COX10: variants seen among roughly 807,000 people sequenced by gnomAD.
COX10 encodes protoheme IX farnesyltransferase, mitochondrial.
COX10 carries 27 observed loss-of-function variants against 37.3 expected under a neutral mutation model. That is an observed-to-expected ratio of 0.72 (90% CI 0.53 to 1.00). The LOEUF (loss-of-function observed/expected upper bound fraction) is 1.00, where lower values mean the gene tolerates loss of function less well. Ranked by LOEUF, COX10 falls within the 50% of genes least tolerant of loss-of-function variation. COX10 has a pLI of 0.00. For synonymous variants in COX10, 222 were observed against 229.1 expected, an observed-to-expected ratio of 0.97 and a Z score of 0.28; for missense variants, 475 against 563.2, an observed-to-expected ratio of 0.84 and a Z score of 1.59.
Position 14,207,575 on chromosome 17 carries a change from A to C in COX10, c.*362A>C, listed in dbSNP as rs1597552585. ...CCACCACACCACACGCACACTCCACATGCCCAGCAGAGTGGCACTTGGTGG... is the reference window on the plus strand; with the variant it reads ...CCACCACACCACACGCACACTCCACCTGCCCAGCAGAGTGGCACTTGGTGG... On this transcript the variant is annotated 3_prime_UTR_variant, in exon 7 of 7. Transcript: ENST00000261643. 2.0e-5 allele frequency: 4 copies of C among 196,630 alleles called. No individual in the cohort carries two copies. Among genetic ancestry groups the C allele is most frequent in the Non-Finnish European group, 4.2e-5 (4 of 95,218 alleles). The allele number at this position is 196,630 out of a possible 1,614,324, so 12.2% of individuals were successfully genotyped here. A position where few individuals can be genotyped will look rare whatever the true frequency, so the allele number is the denominator to read the frequency against.
chr17:14,141,733 A>G (rs981757255), intron 4 of COX10, among the ~76,000 whole-genome samples: 1 of 152,054 alleles, frequency 6.6e-6, no homozygotes, highest in Non-Finnish European at 1.5e-5. Context: ...TGCAGATTTC[A>G]TTATATTTAA....
At chr17:14,189,503 T>G (rs1472822449) in intron 5 of COX10, among the ~76,000 whole-genome samples, 2 of 152,238 alleles carry the variant, frequency 1.3e-5, no homozygotes, top group Non-Finnish European at 2.9e-5. Context: ...CATCCAAGTG[T>G]TAGCATAAAT....
intron 4 of COX10, among the ~76,000 whole-genome samples, chr17:14,156,387 G>A (rs1055547480): frequency 2.6e-5 from 4 of 151,904 alleles, no homozygotes; most frequent in South Asian, 2.1e-4. Flanking sequence ...CCGCCACCGC[G>A]CCCGGCTAAT....
chr17:14,143,569 G>A (rs1258551246), intron 4 of COX10, among the ~76,000 whole-genome samples: 1 of 152,064 alleles, frequency 6.6e-6, no homozygotes, highest in Non-Finnish European at 1.5e-5. Context: ...CTTTGCTTAG[G>A]TAATATAGTA....
At chr17:14,159,756 A>G (rs778508881) in intron 4 of COX10, 121 bp from the exon 5 acceptor site, 1 of 738,564 alleles carries the variant, frequency 1.4e-6, no homozygotes, top group Non-Finnish European at 2.3e-6. Flanking sequence ...GTGCCAGGGT[A>G]TTGATTTATG....
intron 4 of COX10, among the ~76,000 whole-genome samples, chr17:14,137,950 G>GTTTTTTTTTT (rs55924353): frequency 7.4e-6 from 1 of 134,416 alleles, no homozygotes. Flanking sequence ...ACACAATTCA[G>GTTTTTTTTTT]TTTTTTTTTT....
intron 4 of COX10, among the ~76,000 whole-genome samples, chr17:14,114,953 G>C (rs1345653637): frequency 6.6e-6 from 1 of 152,038 alleles, no homozygotes; most frequent in Non-Finnish European, 1.5e-5. Context: ...ATATGGCTCT[G>C]TTATATCATT....
chr17:14,087,137 G>T (rs1915427150), intron 3 of COX10, among the ~76,000 whole-genome samples: 1 of 152,178 alleles, frequency 6.6e-6, no homozygotes, highest in Non-Finnish European at 1.5e-5. Flanking sequence ...ATCCACTTCT[G>T]AGTGTTGTGG....
chr17:14,071,049 C>A (rs769598139), intron 1 of COX10, among the ~76,000 whole-genome samples: 6 of 152,096 alleles, frequency 3.9e-5, no homozygotes, highest in Admixed American at 1.3e-4. Context: ...TCCTGTGATT[C>A]TTTTTTGAAT....
At chr17:14,196,212 G>A (rs1906362137) in intron 6 of COX10, among the ~76,000 whole-genome samples, 2 of 152,260 alleles carry the variant, frequency 1.3e-5, no homozygotes, top group Admixed American at 6.5e-5. Flanking sequence ...GCCAGGCATC[G>A]AGAGACACAA....
intron 6 of COX10, among the ~76,000 whole-genome samples, chr17:14,201,524 A>G (rs1906541352): frequency 6.6e-6 from 1 of 152,218 alleles, no homozygotes; most frequent in South Asian, 2.1e-4. Context: ...TTACTGAAAA[A>G]AGTGTATTGA....
At chr17:14,205,685 A>G (rs1308337783) in intron 6 of COX10, among the ~76,000 whole-genome samples, 3 of 152,182 alleles carry the variant, frequency 2.0e-5, no homozygotes, top group Non-Finnish European at 2.9e-5. Flanking sequence ...CGTGCATGTC[A>G]TAGAAGGACC....
intron 4 of COX10, among the ~76,000 whole-genome samples, chr17:14,123,498 C>T (rs2323091): frequency 0.67 from 102,076 of 151,930 alleles, 34,607 homozygotes; most frequent in Non-Finnish European, 0.71. Context: ...TTTTTTCCAG[C>T]GTAGATAAAG....
At chr17:14,179,349 A>T (rs1905786343) in intron 5 of COX10, 1 of 261,958 alleles carries the variant, frequency 3.8e-6, no homozygotes, top group Admixed American at 6.5e-5. Context: ...TTTCTTAAAG[A>T]TGTCAAGGCC....
chr17:14,113,205 C>A (rs1472689997), intron 4 of COX10, among the ~76,000 whole-genome samples: 1 of 152,154 alleles, frequency 6.6e-6, no homozygotes, highest in East Asian at 1.9e-4. Context: ...TCTGGCATAA[C>A]TTTAATTCTG....
intron 4 of COX10, among the ~76,000 whole-genome samples, chr17:14,108,160 C>G (rs984934799): frequency 1.3e-5 from 2 of 152,082 alleles, no homozygotes; most frequent in Non-Finnish European, 2.9e-5. Context: ...TAGAGCAAGA[C>G]AGTAGAGTAC....
chr17:14,101,846 A>G (rs1915789425), intron 3 of COX10, among the ~76,000 whole-genome samples: 1 of 152,232 alleles, frequency 6.6e-6, no homozygotes, highest in Non-Finnish European at 1.5e-5. Context: ...TGTTGAATGA[A>G]TAAGTGAATG....
At chr17:14,122,013 G>C (rs994530267) in intron 4 of COX10, among the ~76,000 whole-genome samples, 5 of 152,082 alleles carry the variant, frequency 3.3e-5, no homozygotes, top group Non-Finnish European at 5.9e-5. Flanking sequence ...TCGTGTTGTT[G>C]AGTATCGTAA....
Position 14,159,955 on chromosome 17 carries a change from C to T in COX10, c.695+8C>T. On this transcript the variant is annotated splice_region_variant and intron_variant, in intron 5 of 6. Coordinates refer to ENST00000261643, the MANE Select transcript of COX10 (RefSeq NM_001303.4). ...GGTTCGTGGACAGATCAGGTAAAATCACGAATACAAGTGTCTTCCACATTA... is the reference window on the plus strand; with the variant it reads ...GGTTCGTGGACAGATCAGGTAAAATTACGAATACAAGTGTCTTCCACATTA... 1 of 1,608,318 alleles carries T rather than the reference C, an allele frequency of 6.2e-7. No homozygotes were observed.
Sources: gnomAD v4.1 joint callset for allele counts (sites outside exome capture counted in the v4.1 genomes callset) on GRCh38, gnomAD v4.1.1 for gene constraint, MANE v1.5 for transcripts, NCBI Gene and HGNC (gene_info 2026-07-23, HGNC 2026-07-21) for gene names.